Variants in AFAP1L2 observed in about 807,000 individuals in gnomAD.
AFAP1L2 encodes actin filament-associated protein 1-like 2.
Under a neutral mutation model 99.3 loss-of-function variants are expected in AFAP1L2, and 46 were observed. That is an observed-to-expected ratio of 0.46 (90% confidence interval 0.37 to 0.59). The LOEUF (loss-of-function observed/expected upper bound fraction) is 0.59, where lower values mean the gene tolerates loss of function less well. Among genes scored for constraint, AFAP1L2 ranks in the 20% least tolerant of loss-of-function variants. The pLI is 0.00. For synonymous variants in AFAP1L2, 397 were observed against 419.1 expected, an observed-to-expected ratio of 0.95 and a Z score of 0.64; for missense variants, 959 against 1,034.9, an observed-to-expected ratio of 0.93 and a Z score of 1.01.
chr10:114,362,823 C>T, intron 1 of AFAP1L2: 1 of 602,094 alleles, frequency 1.7e-6, no homozygotes, highest in Non-Finnish European at 2.1e-6. Flanking sequence ...TCTGATTTTC[C>T]ACTGGATTAT....
intron 1 of AFAP1L2, among the ~76,000 whole-genome samples, chr10:114,359,728 G>A (rs1590526351): frequency 6.6e-6 from 1 of 152,190 alleles, no homozygotes; most frequent in African/African-American, 2.4e-5. Context: ...CACTGTAATA[G>A]TATATCCTAT....
At position 114,302,332 on chromosome 10, in the gene AFAP1L2, T is replaced by G. The variant is rs373826733; in HGVS notation, c.1430+7A>C. ...GAGTGTACGGAGGAAGGGTCCAAAT[T>G]ACTCACAAGAGAGAGTTTTTGGCCG... On this transcript the variant is annotated splice_region_variant and intron_variant, in intron 12 of 18. Coordinates refer to ENST00000304129, the MANE Select transcript of AFAP1L2 (RefSeq NM_001001936.3). 9 of 1,613,988 alleles carry G rather than the reference T, an allele frequency of 5.6e-6. No individual in the cohort carries two copies. Among genetic ancestry groups the G allele is most frequent in the Non-Finnish European group, 7.6e-6 (9 of 1,180,012 alleles).
At chr10:114,364,290 T>C (rs2052884753) in intron 1 of AFAP1L2, among the ~76,000 whole-genome samples, 1 of 152,316 alleles carries the variant, frequency 6.6e-6, no homozygotes. Flanking sequence ...GACGCAACAA[T>C]GTGCCACAGA....
Position 114,325,800 on chromosome 10 carries a change from A to C in AFAP1L2, c.316-2539T>G, listed in dbSNP as rs921484680. ...CCCCCTGGTCAGCCAGCAGCCTGAG[A>C]AAAGGCTGAGACAGTGACAGACTTG... is the stretch of plus-strand genomic sequence containing the variant. On this transcript the variant is annotated intron_variant, in intron 4 of 18. Coordinates refer to ENST00000304129, the MANE Select transcript of AFAP1L2 (RefSeq NM_001001936.3). The C allele has an allele frequency of 4.3e-6, 5 of 1,163,730 alleles. No homozygotes were observed. In the Admixed American group the frequency reaches 1.3e-4, roughly 30 times the overall value. The allele number at this position is 1,163,730 out of a possible 1,614,324, so 72.1% of individuals were successfully genotyped here. A position where few individuals can be genotyped will look rare whatever the true frequency, so the allele number is the denominator to read the frequency against.
At chr10:114,388,584 T>A (rs1019231595) in intron 1 of AFAP1L2, among the ~76,000 whole-genome samples, 16 of 152,342 alleles carry the variant, frequency 1.1e-4, no homozygotes, top group Admixed American at 2.6e-4. Context: ...ACAAGCCCCA[T>A]CAGGACAGGG....
chr10:114,297,060 G>A lies in AFAP1L2; in HGVS notation c.2348C>T (p.Pro783Leu), dbSNP rs1234143431. 2.5e-6 allele frequency: 4 copies of A among 1,614,170 alleles called. No homozygotes were observed. Among genetic ancestry groups the A allele is most frequent in the South Asian group, 1.1e-5 (1 of 91,058 alleles). The change falls in exon 18 of 19, where the codon CCA (proline) becomes CTA (leucine). Residue 783 changes from proline to leucine, a missense_variant. Coordinates refer to ENST00000304129, the MANE Select transcript of AFAP1L2 (RefSeq NM_001001936.3). ...CTTGAGTGTGGTTGCAGAGTTGACTGGGGTACAGTCTGGGGCAGAGGCAGG... is the reference window on the plus strand; with the variant it reads ...CTTGAGTGTGGTTGCAGAGTTGACTAGGGTACAGTCTGGGGCAGAGGCAGG... ...VTPASAPDCT[P>L]VNSATTLKNR...
At chr10:114,335,310 T>TAAA (rs1164594494) in intron 2 of AFAP1L2, among the ~76,000 whole-genome samples, 71 of 151,910 alleles carry the variant, frequency 4.7e-4, no homozygotes, top group African/African-American at 1.5e-3. Context: ...TTTTTTTTTT[T>TAAA]AAAAAAAGAA....
chr10:114,340,168 CAAAAAAAAAATACA>C (rs2048598608), intron 2 of AFAP1L2, among the ~76,000 whole-genome samples: 1 of 66,110 alleles, frequency 1.5e-5, no homozygotes, highest in African/African-American at 6.0e-5. Flanking sequence ...CCCATCTCTA[CAAAAAAAAAATACA>C]AAAAAAAAAA....
chr10:114,309,450 G>A (rs935238967), intron 8 of AFAP1L2, among the ~76,000 whole-genome samples: 2 of 152,178 alleles, frequency 1.3e-5, no homozygotes, highest in Admixed American at 6.5e-5. Context: ...CCCTGCTGGG[G>A]TGGGGACCCC....
chr10:114,385,095 G>A (rs1041071873), intron 1 of AFAP1L2, among the ~76,000 whole-genome samples: 2 of 152,256 alleles, frequency 1.3e-5, no homozygotes, highest in South Asian at 2.1e-4. Context: ...GAGGAGGCAG[G>A]GGGGCAGTGA....
chr10:114,398,505 G>C (rs1343628641), intron 1 of AFAP1L2, among the ~76,000 whole-genome samples: 1 of 152,244 alleles, frequency 6.6e-6, no homozygotes, highest in Non-Finnish European at 1.5e-5. Flanking sequence ...CAGGGTATCT[G>C]CTCCCCTGCG....
intron 1 of AFAP1L2, among the ~76,000 whole-genome samples, chr10:114,392,035 C>T (rs941803834): frequency 1.3e-5 from 2 of 152,154 alleles, no homozygotes; most frequent in Non-Finnish European, 2.9e-5. Context: ...CTCAAGAAAT[C>T]TAGGCTTATC....
chr10:114,358,211 T>C (rs7084841), intron 1 of AFAP1L2, among the ~76,000 whole-genome samples: 91,093 of 152,060 alleles, frequency 0.6, 28,575 homozygotes, highest in East Asian at 0.71. Context: ...TTATGATGGG[T>C]AATTTTCTAT....
chr10:114,311,962 G>A (rs1178018813), intron 7 of AFAP1L2, among the ~76,000 whole-genome samples: 1 of 152,214 alleles, frequency 6.6e-6, no homozygotes, highest in African/African-American at 2.4e-5. Flanking sequence ...CAAAGCGCAA[G>A]AGTGGGCGGC....
intron 1 of AFAP1L2, chr10:114,362,959 G>C (rs938645009): frequency 2.6e-5 from 26 of 985,348 alleles, no homozygotes; most frequent in Non-Finnish European, 3.1e-5. Context: ...AAAAGCTGAC[G>C]CACAGTGGGC....
intron 1 of AFAP1L2, among the ~76,000 whole-genome samples, chr10:114,342,085 G>A (rs1347406394): frequency 6.6e-6 from 1 of 152,192 alleles, no homozygotes; most frequent in Non-Finnish European, 1.5e-5. Context: ...ATACTTCTGA[G>A]ATTTGCCTTA....
rs375102326 is a variant in AFAP1L2, at chr10:114,296,960, C to T, written c.2430+18G>A. ...ACATTTCTGCTGGCCCCAAGGGAGGCTGGGAGTGACTGCTTACCTTGGCTT... is the reference window on the plus strand; with the variant it reads ...ACATTTCTGCTGGCCCCAAGGGAGGTTGGGAGTGACTGCTTACCTTGGCTT... On this transcript the variant is annotated intron_variant, in intron 18 of 18. Transcript: ENST00000304129. The T allele has an allele frequency of 2.0e-5, 32 of 1,613,894 alleles. No homozygotes were observed. The African/African-American group carries it at 4.3e-4, about 22-fold the overall frequency.
intron 1 of AFAP1L2, among the ~76,000 whole-genome samples, chr10:114,385,805 C>A (rs564027248): frequency 7.2e-5 from 11 of 152,280 alleles, no homozygotes; most frequent in Admixed American, 3.9e-4. Flanking sequence ...CAAAGCAATG[C>A]CAAGAACGTC....
At chr10:114,374,882 C>G (rs1203565518) in intron 1 of AFAP1L2, among the ~76,000 whole-genome samples, 1 of 151,814 alleles carries the variant, frequency 6.6e-6, no homozygotes, top group Non-Finnish European at 1.5e-5. Flanking sequence ...GTTTAGGTCC[C>G]TTAGGGCCAC....
Sources: gnomAD v4.1 joint callset for allele counts (sites outside exome capture counted in the v4.1 genomes callset) on GRCh38, gnomAD v4.1.1 for gene constraint, MANE v1.5 for transcripts, NCBI Gene and HGNC (gene_info 2026-07-23, HGNC 2026-07-21) for gene names.